Variants in AIG1 observed in about 807,000 individuals in gnomAD.
AIG1 encodes androgen induced 1.
AIG1 carries 23 observed loss-of-function variants against 31.4 expected under a neutral mutation model. The ratio of observed to expected loss-of-function variants is 0.73; its 90% confidence interval spans 0.53 to 1.04. The LOEUF (loss-of-function observed/expected upper bound fraction) is 1.04, where lower values mean the gene tolerates loss of function less well. Ranked by LOEUF, AIG1 falls within the 50% of genes least tolerant of loss-of-function variation. AIG1 has a pLI of 0.00. For synonymous variants in AIG1, 100 were observed against 110.5 expected (o/e 0.90, Z 0.60); for missense variants, 274 against 295.0 (o/e 0.93, Z 0.52).
rs574837260 is a variant in AIG1 at position 143,329,338 on chromosome 6, T to A, written c.516-3944T>A. ...TCTGATCTCAGTTTCTTTACCTGTT[T>A]AAAGAGAATAATCATACCTAATAGG... On this transcript the variant is annotated intron_variant, in intron 4 of 5. Transcript: ENST00000357847. This position sits in a 1 kb window ranked among gnomAD's most constrained non-coding sequence, Gnocchi z 4.9. 2.1e-4 allele frequency among the ~76,000 whole-genome samples: 32 copies of A among 152,300 alleles called. 1 individual carries two copies. The South Asian group carries it at 5.8e-3, about 28-fold the overall frequency.
At chr6:143,142,674 A>T (rs1201954884) in intron 2 of AIG1, among the ~76,000 whole-genome samples, 1 of 152,156 alleles carries the variant, frequency 6.6e-6, no homozygotes, top group Non-Finnish European at 1.5e-5. Flanking sequence ...TGACCTTCTT[A>T]TCTGAGTTTA....
At chr6:143,081,420 C>T (rs763159003) in intron 1 of AIG1, among the ~76,000 whole-genome samples, 1 of 151,764 alleles carries the variant, frequency 6.6e-6, no homozygotes, top group Non-Finnish European at 1.5e-5. Flanking sequence ...TTCTGTCCTA[C>T]AAGGGAAGGC....
intron 3 of AIG1, among the ~76,000 whole-genome samples, chr6:143,224,251 ACTC>A (rs1490972251): frequency 2.0e-5 from 3 of 152,012 alleles, no homozygotes; most frequent in African/African-American, 7.3e-5. Context: ...CCAAACCGGA[ACTC>A]CTCATCTTTT....
At chr6:143,305,287 T>C (rs1368832586) in intron 4 of AIG1, among the ~76,000 whole-genome samples, 2 of 152,220 alleles carry the variant, frequency 1.3e-5, no homozygotes, top group African/African-American at 4.8e-5. Flanking sequence ...TGTTTGCTCT[T>C]GCTTTTCTAG....
intron 1 of AIG1, among the ~76,000 whole-genome samples, chr6:143,121,165 G>A (rs1782207020): frequency 6.6e-6 from 1 of 152,182 alleles, no homozygotes; most frequent in African/African-American, 2.4e-5. Context: ...CTGCTTTGAA[G>A]GCTGTGAGAC....
intron 4 of AIG1, among the ~76,000 whole-genome samples, chr6:143,305,208 T>C (rs1193670884): frequency 2.0e-5 from 3 of 152,210 alleles, no homozygotes; most frequent in Non-Finnish European, 2.9e-5. Context: ...TTGAAGGGTT[T>C]TTTGTGTCTC....
chr6:143,137,065 A>G, intron 2 of AIG1, 75 bp downstream of exon 2: 1 of 1,300,446 alleles, frequency 7.7e-7, no homozygotes, highest in Non-Finnish European at 9.9e-7. Flanking sequence ...AGAAAAAAAA[A>G]GAGTTCATTA....
Position 143,142,031 on chromosome 6 carries a change from T to C in AIG1, c.297+5041T>C, listed in dbSNP as rs114103246. Among the ~76,000 whole-genome samples the C allele has an allele frequency of 2.0e-5, 3 of 152,222 alleles. No individual in the cohort carries two copies. In the East Asian group the frequency reaches 5.8e-4, roughly 29 times the overall value. ...CCAACTGCCTACCAAAGCAGCCGTT[T>C]AATGAAAAAGAACAATTATTTATAT... On this transcript the variant is annotated intron_variant, in intron 2 of 5. Transcript: ENST00000357847.
At chr6:143,174,255 A>G (rs1298468975) in intron 3 of AIG1, among the ~76,000 whole-genome samples, 3 of 152,080 alleles carry the variant, frequency 2.0e-5, no homozygotes, top group Non-Finnish European at 4.4e-5. Flanking sequence ...TTGGGAGGCC[A>G]AGGCGGGTGG....
At chr6:143,307,262 A>G (rs1391944214) in intron 4 of AIG1, among the ~76,000 whole-genome samples, 1 of 152,134 alleles carries the variant, frequency 6.6e-6, no homozygotes. Flanking sequence ...GTTCCTTTGG[A>G]GGAGGAGAGG....
intron 3 of AIG1, among the ~76,000 whole-genome samples, chr6:143,240,741 A>G (rs1057311885): frequency 6.6e-6 from 1 of 152,248 alleles, no homozygotes; most frequent in African/African-American, 2.4e-5. Context: ...AAATTTTTTA[A>G]AAAACCAGAC....
chr6:143,305,532 AT>A (rs1033342522), intron 4 of AIG1, among the ~76,000 whole-genome samples: 1 of 151,714 alleles, frequency 6.6e-6, no homozygotes, highest in Non-Finnish European at 1.5e-5. Context: ...TAGTTGAGTG[AT>A]TTTGAGTGAG....
chr6:143,252,742 C>T (rs1337267493), intron 3 of AIG1, among the ~76,000 whole-genome samples: 3 of 152,190 alleles, frequency 2.0e-5, no homozygotes, highest in Non-Finnish European at 4.4e-5. Flanking sequence ...TTTATCATTT[C>T]ACGATTTCTG....
In AIG1 at chr6:143,331,457, A is replaced by C. The variant is rs146200085; in HGVS notation, c.516-1825A>C. ...CCTCATATAAGTGGAATCATATACA[A>C]TATGTGACCTGTGTCTGGCTTATTT... On this transcript the variant is annotated intron_variant, in intron 4 of 5. Transcript: ENST00000357847. This position sits in a 1 kb window ranked among gnomAD's most constrained non-coding sequence, Gnocchi z 4.1. 3.2e-4 allele frequency among the ~76,000 whole-genome samples: 49 copies of C among 152,200 alleles called. No individual in the cohort carries two copies. The East Asian group carries it at 9.3e-3, about 29-fold the overall frequency.
chr6:143,327,642 T>A lies in AIG1; in HGVS notation c.516-5640T>A. ...TTCAAAAATCTGCAGATAGTCAATG[T>A]GGATGAGAACTAACTGCTGATTGTC... On this transcript the variant is annotated intron_variant, in intron 4 of 5. Transcript: ENST00000357847. The surrounding 1 kb of genome is among the most constrained non-coding windows in gnomAD (Gnocchi z 5.3). 1 of 268,920 alleles carries A rather than the reference T, an allele frequency of 3.7e-6. No individual in the cohort carries two copies. Among genetic ancestry groups the A allele is most frequent in the Non-Finnish European group, 7.0e-6 (1 of 141,974 alleles). The allele number at this position is 268,920 out of a possible 1,614,324, so 16.7% of individuals were successfully genotyped here. A position where few individuals can be genotyped will look rare whatever the true frequency, so the allele number is the denominator to read the frequency against.
At chr6:143,156,216 T>C (rs1441741706) in intron 2 of AIG1, among the ~76,000 whole-genome samples, 2 of 152,238 alleles carry the variant, frequency 1.3e-5, no homozygotes, top group Non-Finnish European at 2.9e-5. Context: ...ACACATCTAC[T>C]GTGGCCTTGT....
chr6:143,257,004 C>G (rs1183089772), intron 3 of AIG1, among the ~76,000 whole-genome samples: 1 of 152,196 alleles, frequency 6.6e-6, no homozygotes, highest in Non-Finnish European at 1.5e-5. Flanking sequence ...GCTTTAGTCT[C>G]ATTTGTCCAT....
chr6:143,282,449 A>C (rs1400867708), intron 3 of AIG1, among the ~76,000 whole-genome samples: 1 of 152,226 alleles, frequency 6.6e-6, no homozygotes, highest in African/African-American at 2.4e-5. Flanking sequence ...GGCCGATGTC[A>C]TCTGAGGTAA....
intron 4 of AIG1, among the ~76,000 whole-genome samples, chr6:143,306,145 A>G (rs1799286019): frequency 1.3e-5 from 2 of 151,506 alleles, no homozygotes; most frequent in South Asian, 2.1e-4. Context: ...GGTTTCCTGA[A>G]TACAGCACAC....
Sources: gnomAD v4.1 joint callset for allele counts (sites outside exome capture counted in the v4.1 genomes callset) on GRCh38, gnomAD v4.1.1 for gene constraint, Gnocchi (gnomAD v3.1) non-coding constraint, MANE v1.5 for transcripts, NCBI Gene and HGNC (gene_info 2026-07-23, HGNC 2026-07-21) for gene names.